The following GAS2 variants were observed in gnomAD, a reference collection of about 807,000 sequenced individuals.
GAS2 encodes growth arrest-specific protein 2.
GAS2 carries 20 observed loss-of-function variants against 37.5 expected under a neutral mutation model. The ratio of observed to expected loss-of-function variants is 0.53; its 90% CI spans 0.37 to 0.77. The LOEUF (loss-of-function observed/expected upper bound fraction) is 0.77, where lower values mean the gene tolerates loss of function less well. Among genes scored for constraint, GAS2 ranks in the 30% least tolerant of loss-of-function variants. The pLI is 0.00. For missense variants in GAS2, 336 were observed against 373.4 expected, an observed-to-expected ratio of 0.90 and a Z score of 0.82; for synonymous variants, 144 against 132.2, an observed-to-expected ratio of 1.09 and a Z score of -0.61.
chr11:22,701,316 T>C (rs1009204988), intron 3 of GAS2, among the ~76,000 whole-genome samples: 1 of 152,124 alleles, frequency 6.6e-6, no homozygotes, highest in African/African-American at 2.4e-5. Context: ...ATATGTTACT[T>C]TAAAATTGGA....
At chr11:22,633,075 A>G (rs1015124149) in intron 1 of GAS2, among the ~76,000 whole-genome samples, 3 of 152,088 alleles carry the variant, frequency 2.0e-5, no homozygotes, top group Admixed American at 6.5e-5. Flanking sequence ...ATTTCATCTT[A>G]GTTTGGATCC....
At chr11:22,785,644 C>A (rs1855784126) in intron 7 of GAS2, among the ~76,000 whole-genome samples, 1 of 152,096 alleles carries the variant, frequency 6.6e-6, no homozygotes, top group African/African-American at 2.4e-5. Flanking sequence ...AAGCATGTTT[C>A]TACCTTTTTT....
At chr11:22,697,385 C>T (rs1850584509) in intron 3 of GAS2, among the ~76,000 whole-genome samples, 1 of 152,258 alleles carries the variant, frequency 6.6e-6, no homozygotes, top group African/African-American at 2.4e-5. Flanking sequence ...CATGATTCCT[C>T]CAGCTTTGTT....
chr11:22,696,355 G>C (rs559957603), intron 3 of GAS2, among the ~76,000 whole-genome samples: 1 of 152,140 alleles, frequency 6.6e-6, no homozygotes, highest in African/African-American at 2.4e-5. Flanking sequence ...TTGGACATTT[G>C]GATTAGTTCC....
intron 7 of GAS2, among the ~76,000 whole-genome samples, chr11:22,762,071 TGA>T (rs985387473): frequency 6.6e-6 from 1 of 152,154 alleles, no homozygotes; most frequent in Non-Finnish European, 1.5e-5. Flanking sequence ...AAACATAGTT[TGA>T]GAAAGACATT....
upstream of GAS2, among the ~76,000 whole-genome samples, chr11:22,664,720 A>G (rs529927579): frequency 2.0e-4 from 30 of 152,296 alleles, 1 homozygote; most frequent in Admixed American, 1.9e-3. Flanking sequence ...TTTGACAAAT[A>G]TATCAGTGAG....
upstream of GAS2, among the ~76,000 whole-genome samples, chr11:22,664,194 A>T (rs2133848609): frequency 6.6e-6 from 1 of 152,070 alleles, no homozygotes; most frequent in East Asian, 1.9e-4. Context: ...GTGTTATTTA[A>T]TTTTTTCTCA....
chr11:22,712,858 C>T (rs973872053), intron 3 of GAS2, among the ~76,000 whole-genome samples: 2 of 151,988 alleles, frequency 1.3e-5, no homozygotes, highest in Admixed American at 1.3e-4. Flanking sequence ...AGGTGGATCA[C>T]TTGAAGTCAG....
chr11:22,675,941 T>G (rs1367819507), intron 2 of GAS2, among the ~76,000 whole-genome samples: 1 of 152,174 alleles, frequency 6.6e-6, no homozygotes, highest in Non-Finnish European at 1.5e-5. Context: ...TGGCAGAAGT[T>G]TAGCACATTT....
At chr11:22,652,991 T>TTGTC (rs1554965870) in intron 1 of GAS2, among the ~76,000 whole-genome samples, 6 of 6,300 alleles carry the variant, frequency 9.5e-4, no homozygotes, top group East Asian at 5.2e-3. Flanking sequence ...CTTTCTTTCT[T>TTGTC]TGTCTTTCTT....
chr11:22,744,779 A>G (rs1275479850), intron 5 of GAS2, among the ~76,000 whole-genome samples: 1 of 152,152 alleles, frequency 6.6e-6, no homozygotes, highest in Non-Finnish European at 1.5e-5. Flanking sequence ...CTTCACTCCT[A>G]TTCAACGTGG....
intron 3 of GAS2, among the ~76,000 whole-genome samples, chr11:22,721,344 G>T (rs1241404063): frequency 1.3e-5 from 2 of 151,946 alleles, no homozygotes; most frequent in Admixed American, 1.3e-4. Context: ...ACTATAAATA[G>T]AATTAGTTAT....
intron 1 of GAS2, among the ~76,000 whole-genome samples, chr11:22,645,670 A>G (rs1199008184): frequency 1.4e-4 from 21 of 151,998 alleles, no homozygotes; most frequent in Admixed American, 5.9e-4. Flanking sequence ...AGTCAATGAT[A>G]TAATTCCAAA....
At position 22,755,152 on chromosome 11, in the gene GAS2, G is replaced by T. The variant is rs142375889; in HGVS notation, c.616-694G>T. Among the ~76,000 whole-genome samples, 11 of 152,100 alleles carry T rather than the reference G, an allele frequency of 7.2e-5. No homozygotes were observed. The East Asian group carries it at 2.1e-3, about 29-fold the overall frequency. ...ATATCATTTAGATTATGTATTTTTA[G>T]AAGAGTGGGAGAATAGATATAACAG... On this transcript the variant is annotated intron_variant, in intron 6 of 7. Coordinates refer to ENST00000454584, the MANE Select transcript of GAS2 (RefSeq NM_001143830.3).
chr11:22,726,718 G>A (rs923584848), intron 4 of GAS2, among the ~76,000 whole-genome samples: 1 of 151,982 alleles, frequency 6.6e-6, no homozygotes, highest in Admixed American at 6.6e-5. Flanking sequence ...GGCAAAATTG[G>A]TGCAAAATTG....
At chr11:22,755,799 A>T in intron 6 of GAS2, 47 bp from the exon 7 acceptor site, 1 of 1,404,358 alleles carries the variant, frequency 7.1e-7, no homozygotes, top group Non-Finnish European at 1.0e-6. Flanking sequence ...ATTAACATAA[A>T]TGCAGCCTAA....
At chr11:22,761,980 C>T (rs1283680559) in intron 7 of GAS2, among the ~76,000 whole-genome samples, 8 of 152,092 alleles carry the variant, frequency 5.3e-5, no homozygotes, top group Non-Finnish European at 1.2e-4. Context: ...TCAGCATTTT[C>T]CAAATGTATT....
chr11:22,640,993 C>T (rs2133817405), intron 1 of GAS2, among the ~76,000 whole-genome samples: 1 of 151,860 alleles, frequency 6.6e-6, no homozygotes, highest in African/African-American at 2.4e-5. Context: ...TTAACTTCAT[C>T]TGTTTCTTCC....
At chr11:22,628,754 C>T (rs988406640) in intron 1 of GAS2, among the ~76,000 whole-genome samples, 4 of 151,982 alleles carry the variant, frequency 2.6e-5, no homozygotes, top group African/African-American at 9.7e-5. Flanking sequence ...ACGTTGTACC[C>T]AACATGTAGA....
Sources: gnomAD v4.1 joint callset for allele counts (sites outside exome capture counted in the v4.1 genomes callset) on GRCh38, gnomAD v4.1.1 for gene constraint, MANE v1.5 for transcripts, NCBI Gene and HGNC (gene_info 2026-07-23, HGNC 2026-07-21) for gene names.